Variants in EIF5A2 observed in about 807,000 individuals in gnomAD.
The protein encoded by EIF5A2 is eukaryotic translation initiation factor 5A2, also known as eukaryotic translation initiation factor 5A-2.
A neutral mutation model predicts 16.4 loss-of-function variants in EIF5A2; 15 were observed. That is an observed-to-expected ratio of 0.92 (90% CI 0.61 to 1.41). The LOEUF (loss-of-function observed/expected upper bound fraction) is 1.41. EIF5A2 is among the 40% of genes most tolerant of loss of function. The pLI, the probability that EIF5A2 is intolerant of heterozygous loss-of-function variation, is 0.00. For missense variants in EIF5A2, 144 were observed against 189.5 expected (o/e 0.76, Z 1.41); for synonymous variants, 48 against 61.1 (o/e 0.79, Z 1.00).
chr3:170,901,563 T>C (rs1306137638), intron 3 of EIF5A2, among the ~76,000 whole-genome samples: 32 of 96,608 alleles, frequency 3.3e-4, no homozygotes, highest in Middle Eastern at 6.3e-3. Context: ...AGGTGCCTTC[T>C]TTTTTTTTTT....
rs1414996798 is a variant in EIF5A2, at chr3:170,890,283, C to T, written c.*3077G>A. On this transcript the variant is annotated 3_prime_UTR_variant, in exon 5 of 5. Coordinates refer to ENST00000295822, the MANE Select transcript of EIF5A2 (RefSeq NM_020390.6). ...ATAAAGTTATGTGCGCACATGTGCACATGCAAATTGCATTGTAATGAAAAA... is the reference window on the plus strand; with the variant it reads ...ATAAAGTTATGTGCGCACATGTGCATATGCAAATTGCATTGTAATGAAAAA... 6.6e-6 allele frequency: 1 copy of T among 152,032 alleles called. No individual in the cohort carries two copies. Among genetic ancestry groups the T allele is most frequent in the Non-Finnish European group, 1.5e-5 (1 of 67,962 alleles). 9.4% of individuals were successfully genotyped at this position (152,032 alleles called of 1,614,324 possible).
chr3:170,894,801 C>T (rs1453302746), intron 3 of EIF5A2, among the ~76,000 whole-genome samples: 3 of 150,252 alleles, frequency 2.0e-5, no homozygotes, highest in South Asian at 4.2e-4. Flanking sequence ...CCGAGGCGGG[C>T]GGATCATGAG....
In EIF5A2 at chr3:170,892,555, T is replaced by C. The variant is rs1487900492; in HGVS notation, c.*805A>G. On this transcript the variant is annotated 3_prime_UTR_variant, in exon 5 of 5. Transcript: ENST00000295822. ...TAAAGCAGATCACTCCCTTTAAACG[T>C]TGGGGGCAAAGTTAAAAGCAAAAAC... 6 of 389,092 alleles carry C rather than the reference T, an allele frequency of 1.5e-5. No homozygotes were observed. The highest frequency in any genetic ancestry group is 8.3e-5 in the African/African-American group (4 of 48,356). The allele number at this position is 389,092 out of a possible 1,614,324, so 24.1% of individuals were successfully genotyped here.
Position 170,893,655 on chromosome 3 carries a change from C to G in EIF5A2, c.403-236G>C, listed in dbSNP as rs578096167. 5.3e-5 allele frequency among the ~76,000 whole-genome samples: 8 copies of G among 152,306 alleles called. No homozygotes were observed. The South Asian group carries it at 1.7e-3, about 32-fold the overall frequency. On this transcript the variant is annotated intron_variant, in intron 4 of 4. Transcript: ENST00000295822. ...ACTATAAATGTTTGAACACTTACTA[C>G]CCGTTACATTTCTGAAAGTTGTAAC...
At chr3:170,897,645 G>A (rs1433423622) in intron 3 of EIF5A2, among the ~76,000 whole-genome samples, 3 of 152,218 alleles carry the variant, frequency 2.0e-5, no homozygotes, top group Non-Finnish European at 2.9e-5. Context: ...GATTTCAGAG[G>A]ATGTATGAAA....
chr3:170,907,013 T>G lies in EIF5A2; in HGVS notation c.246A>C (p.Pro82=). The G allele has an allele frequency of 6.2e-7, 1 of 1,608,164 alleles. No individual in the cohort carries two copies. The highest frequency in any genetic ancestry group is 8.5e-7 in the Non-Finnish European group (1 of 1,176,838). Residue 82 remains proline (P), a synonymous_variant, in exon 3 of 5, where the codon CCA becomes CCC. Transcript: ENST00000295822. The part of the protein sequence containing the change: ...ICPSTHNMDV[P]NIKRNDYQLI... ...CTTGATAATCATTTCTCTTAATATT[T>G]GGAACATCCATGTTGTGAGTAGAAG...
At chr3:170,906,055 G>A (rs535214902) in intron 3 of EIF5A2, among the ~76,000 whole-genome samples, 5 of 152,148 alleles carry the variant, frequency 3.3e-5, no homozygotes, top group African/African-American at 1.2e-4. Context: ...GGAAATCATT[G>A]CGTAAGTGCA....
At chr3:170,894,814 C>T (rs1712628595) in intron 3 of EIF5A2, among the ~76,000 whole-genome samples, 1 of 150,894 alleles carries the variant, frequency 6.6e-6, no homozygotes, top group South Asian at 2.1e-4. Context: ...ATCATGAGGT[C>T]AGGAGATTGA....
rs1271350430 is a variant in EIF5A2 at position 170,890,135 on chromosome 3, C to G, written c.*3225G>C. ...ACTAGAAATATTCTAATTGAGAAACCTTAAAGTACAAAAACAAGTTGTGGA... is the reference window on the plus strand; with the variant it reads ...ACTAGAAATATTCTAATTGAGAAACGTTAAAGTACAAAAACAAGTTGTGGA... On this transcript the variant is annotated 3_prime_UTR_variant, in exon 5 of 5. Transcript: ENST00000295822. 1 of 151,686 alleles carries G rather than the reference C, an allele frequency of 6.6e-6. No individual in the cohort carries two copies. The highest frequency in any genetic ancestry group is 2.4e-5 in the African/African-American group (1 of 41,186). The allele number at this position is 151,686 out of a possible 1,614,324, so 9.4% of individuals were successfully genotyped here.
intron 3 of EIF5A2, 85 bp from the exon 4 acceptor site, chr3:170,894,508 T>C (rs771736327): frequency 2.0e-5 from 24 of 1,188,376 alleles, no homozygotes; most frequent in African/African-American, 6.1e-5. Flanking sequence ...GCAATTGATA[T>C]TAATTCATAT....
At position 170,892,077 on chromosome 3, in the gene EIF5A2, G is replaced by C. The variant is rs1198273519; in HGVS notation, c.*1283C>G. ...TAACAAAAATTCCAAATCAATTTAAGGAATTCTCAGTTTTTGTTTAATAAA... is the reference window on the plus strand; with the variant it reads ...TAACAAAAATTCCAAATCAATTTAACGAATTCTCAGTTTTTGTTTAATAAA... On this transcript the variant is annotated 3_prime_UTR_variant, in exon 5 of 5. Transcript: ENST00000295822. The C allele has an allele frequency of 6.6e-6, 1 of 152,512 alleles. No individual in the cohort carries two copies. The highest frequency in any genetic ancestry group is 1.5e-5 in the Non-Finnish European group (1 of 68,022). The allele number at this position is 152,512 out of a possible 1,614,324, so 9.4% of individuals were successfully genotyped here. A position where few individuals can be genotyped will look rare whatever the true frequency, so the allele number is the denominator to read the frequency against.
intron 3 of EIF5A2, among the ~76,000 whole-genome samples, chr3:170,903,144 T>C (rs1712855260): frequency 6.6e-6 from 1 of 152,228 alleles, no homozygotes; most frequent in South Asian, 2.1e-4. Flanking sequence ...TTTTTTCTTA[T>C]TGCAATAGTT....
intron 3 of EIF5A2, among the ~76,000 whole-genome samples, chr3:170,896,896 C>T (rs1270911697): frequency 1.3e-5 from 2 of 152,128 alleles, no homozygotes; most frequent in African/African-American, 4.8e-5. Flanking sequence ...AAAATGCTGA[C>T]AATGATATGG....
In EIF5A2 at chr3:170,889,580, TAC is replaced by T. The variant is rs1417272988; in HGVS notation, c.*3778_*3779del. ...TGTTAAAATGAGAGCTGCTGATCAGTACAATATACTGTTAATGGAAATATGCT... is the reference window on the plus strand; with the variant it reads ...TGTTAAAATGAGAGCTGCTGATCAGTAATATACTGTTAATGGAAATATGCT... On this transcript the variant is annotated 3_prime_UTR_variant, in exon 5 of 5. Coordinates refer to ENST00000295822, the MANE Select transcript of EIF5A2 (RefSeq NM_020390.6). 6.6e-6 allele frequency: 1 copy of T among 152,544 alleles called. No individual in the cohort carries two copies. Among genetic ancestry groups the T allele is most frequent in the Non-Finnish European group, 1.5e-5 (1 of 67,960 alleles). The allele number at this position is 152,544 out of a possible 1,614,324, so 9.4% of individuals were successfully genotyped here.
chr3:170,890,481 C>T lies in EIF5A2; in HGVS notation c.*2879G>A, dbSNP rs1000696157. The stretch of plus-strand genomic sequence containing the variant: ...GGTTAGCAACAGTTTCTTCAAGTGA[C>T]TGAGCCCCTGGAAGGGAGCATGAAA... On this transcript the variant is annotated 3_prime_UTR_variant, in exon 5 of 5. Transcript: ENST00000295822. 9 of 152,074 alleles carry T rather than the reference C, an allele frequency of 5.9e-5. No homozygotes were observed. Among genetic ancestry groups the T allele is most frequent in the Middle Eastern group, 6.3e-3 (2 of 316 alleles). 9.4% of individuals were successfully genotyped at this position (152,074 alleles called of 1,614,324 possible). A position where few individuals can be genotyped will look rare whatever the true frequency, so the allele number is the denominator to read the frequency against.
chr3:170,899,084 A>G (rs1194076776), intron 3 of EIF5A2, among the ~76,000 whole-genome samples: 2 of 152,208 alleles, frequency 1.3e-5, no homozygotes, highest in African/African-American at 4.8e-5. Context: ...AAATTTGCCA[A>G]TTGTCCTAGT....
At chr3:170,903,746 A>C (rs1712866886) in intron 3 of EIF5A2, among the ~76,000 whole-genome samples, 1 of 152,230 alleles carries the variant, frequency 6.6e-6, no homozygotes, top group Admixed American at 6.5e-5. Flanking sequence ...ATTTGAATTC[A>C]ATTAACATAT....
chr3:170,891,061 ATAATTTGTACACCCT>A lies in EIF5A2; in HGVS notation c.*2284_*2298del, dbSNP rs1433949975. The A allele has an allele frequency of 6.6e-6, 1 of 152,638 alleles. No individual in the cohort carries two copies. The highest frequency in any genetic ancestry group is 1.5e-5 in the Non-Finnish European group (1 of 68,012). The allele number at this position is 152,638 out of a possible 1,614,324, so 9.5% of individuals were successfully genotyped here. On this transcript the variant is annotated 3_prime_UTR_variant, in exon 5 of 5. Transcript: ENST00000295822. ...AGTATGAAGATAGAGATGCATTATT[ATAATTTGTACACCCT>A]TAATTTGTACACAATTGAAAATATA...
chr3:170,894,503 T>C, intron 3 of EIF5A2, 80 bp from the exon 4 acceptor site: 1 of 1,256,772 alleles, frequency 8.0e-7, no homozygotes, highest in Non-Finnish European at 1.1e-6. Flanking sequence ...AAATTGCAAT[T>C]GATATTAATT....
Sources: allele counts gnomAD v4.1 joint callset (sites outside exome capture counted in the v4.1 genomes callset), GRCh38; gene constraint gnomAD v4.1.1; transcripts MANE v1.5; gene names NCBI Gene and HGNC (gene_info 2026-07-23, HGNC 2026-07-21).